The following THSD4 variants were observed in gnomAD, a reference collection of about 807,000 sequenced individuals.
THSD4 encodes thrombospondin type-1 domain-containing protein 4.
THSD4 carries 69 observed loss-of-function variants against 119.0 expected under a neutral mutation model. That is an observed-to-expected ratio of 0.58 (90% CI 0.48 to 0.71). The LOEUF is 0.71. THSD4 is among the 30% of genes least tolerant of loss of function. The probability of loss-of-function intolerance (pLI) is 0.00; values close to 1 mark genes in which losing one functional copy is unlikely to be tolerated. For missense variants in THSD4, 1,393 were observed against 1,391.1 expected, an observed-to-expected ratio of 1.00 and a Z score of -0.02; for synonymous variants, 524 against 540.4, an observed-to-expected ratio of 0.97 and a Z score of 0.42.
chr15:71,643,907 T>G (rs1221779428), intron 7 of THSD4, among the ~76,000 whole-genome samples: 1 of 152,206 alleles, frequency 6.6e-6, no homozygotes, highest in Non-Finnish European at 1.5e-5. Context: ...AAAGGCTGCA[T>G]AAAAATGAGT....
chr15:71,673,430 A>G (rs2051574120), intron 8 of THSD4, among the ~76,000 whole-genome samples: 1 of 152,192 alleles, frequency 6.6e-6, no homozygotes, highest in African/African-American at 2.4e-5. Context: ...CAGTCTTTTC[A>G]GAAAACCAGC....
intron 6 of THSD4, among the ~76,000 whole-genome samples, chr15:71,319,786 TAA>T (rs1426979026): frequency 2.0e-5 from 3 of 152,166 alleles, no homozygotes; most frequent in African/African-American, 4.8e-5. Flanking sequence ...GCTGCCCTGT[TAA>T]AAGTCAGTTA....
rs188185144 is a variant in THSD4, at chr15:71,241,460, A to T, written c.465-1189A>T. Among the ~76,000 whole-genome samples, 37 of 152,220 alleles carry T rather than the reference A, an allele frequency of 2.4e-4. No individual in the cohort carries two copies. In the East Asian group the frequency reaches 6.6e-3, roughly 27 times the overall value. On this transcript the variant is annotated intron_variant, in intron 4 of 17. Transcript: ENST00000261862. Reference sequence around the variant, plus strand: ...CTCTAAGGCCCTTACCCCGCCCTGCATTGTGATCTAGTTGCTTTCAGTTGT... The same window carrying T: ...CTCTAAGGCCCTTACCCCGCCCTGCTTTGTGATCTAGTTGCTTTCAGTTGT...
intron 7 of THSD4, among the ~76,000 whole-genome samples, chr15:71,618,775 G>A (rs776352026): frequency 8.5e-5 from 13 of 152,110 alleles, no homozygotes; most frequent in South Asian, 2.1e-4. Flanking sequence ...ACAGGGTCTC[G>A]CCATGTTGCC....
intron 6 of THSD4, among the ~76,000 whole-genome samples, chr15:71,269,006 G>A (rs1000476604): frequency 2.6e-5 from 4 of 152,198 alleles, no homozygotes; most frequent in African/African-American, 9.6e-5. Flanking sequence ...AGGACCATAC[G>A]GATTCACAGG....
intron 5 of THSD4, among the ~76,000 whole-genome samples, chr15:71,250,107 T>C (rs1169329028): frequency 2.6e-5 from 4 of 152,208 alleles, no homozygotes; most frequent in Non-Finnish European, 5.9e-5. Context: ...ATTTTTCTCG[T>C]GTTGGGCTAT....
chr15:71,461,163 C>A (rs2047423915), intron 7 of THSD4, among the ~76,000 whole-genome samples: 1 of 152,172 alleles, frequency 6.6e-6, no homozygotes, highest in Non-Finnish European at 1.5e-5. Context: ...GAAGGCTTAA[C>A]TGGGGCTGGA....
chr15:71,297,860 A>G (rs529980186), intron 6 of THSD4, among the ~76,000 whole-genome samples: 16 of 152,292 alleles, frequency 1.1e-4, no homozygotes, highest in Admixed American at 3.9e-4. Flanking sequence ...CTGGAACCTT[A>G]TCAGATATAT....
chr15:71,326,589 G>A (rs2045341069), intron 6 of THSD4, among the ~76,000 whole-genome samples: 1 of 137,778 alleles, frequency 7.3e-6, no homozygotes, highest in South Asian at 2.6e-4. Flanking sequence ...CAGGAGAATT[G>A]TTTGAACCTG....
intron 3 of THSD4, among the ~76,000 whole-genome samples, chr15:71,208,809 G>T (rs1373919229): frequency 6.6e-6 from 1 of 152,062 alleles, no homozygotes; most frequent in Non-Finnish European, 1.5e-5. Context: ...ACCGTGCCAG[G>T]CTCTGGATGT....
At chr15:71,552,039 C>A (rs1327474626) in intron 7 of THSD4, among the ~76,000 whole-genome samples, 1 of 136,914 alleles carries the variant, frequency 7.3e-6, no homozygotes, top group Non-Finnish European at 1.7e-5. Context: ...TAAGTAAGCA[C>A]TTTAAGTGGG....
intron 7 of THSD4, among the ~76,000 whole-genome samples, chr15:71,578,832 G>A (rs1283930749): frequency 2.0e-5 from 3 of 148,564 alleles, no homozygotes; most frequent in Admixed American, 1.4e-4. Context: ...GGGGGACTCT[G>A]GACTGCATTA....
intron 6 of THSD4, among the ~76,000 whole-genome samples, chr15:71,292,776 A>G (rs1388525932): frequency 2.0e-5 from 3 of 149,294 alleles, no homozygotes; most frequent in Non-Finnish European, 4.4e-5. Context: ...TCCCGGGTTC[A>G]CACCATTCTC....
rs527759117 is a variant in THSD4 at position 71,391,211 on chromosome 15, A to G, written c.1016-20476A>G. Among the ~76,000 whole-genome samples, 4 of 152,052 alleles carry G rather than the reference A, an allele frequency of 2.6e-5. No individual in the cohort carries two copies. The East Asian group carries it at 7.8e-4, about 29-fold the overall frequency. Reference sequence around the variant, plus strand: ...GCCCAGCTAATTTTTTGTATTTTTTAGTAGAGACGGGGTTTCACCGTGTTA... The same window carrying G: ...GCCCAGCTAATTTTTTGTATTTTTTGGTAGAGACGGGGTTTCACCGTGTTA... On this transcript the variant is annotated intron_variant, in intron 6 of 17. Coordinates refer to ENST00000261862, the MANE Select transcript of THSD4 (RefSeq NM_024817.3).
chr15:71,322,364 T>G (rs1449997370), intron 6 of THSD4, among the ~76,000 whole-genome samples: 1 of 152,070 alleles, frequency 6.6e-6, no homozygotes, highest in Non-Finnish European at 1.5e-5. Flanking sequence ...AGTGAGGAAA[T>G]TTAGTCCAAG....
At chr15:71,286,641 G>A (rs929388513) in intron 6 of THSD4, among the ~76,000 whole-genome samples, 4 of 152,190 alleles carry the variant, frequency 2.6e-5, no homozygotes, top group African/African-American at 9.7e-5. Context: ...ATAACAGAAC[G>A]ATTTACATTC....
chr15:71,422,456 G>C (rs1212330571), intron 7 of THSD4, among the ~76,000 whole-genome samples: 1 of 152,164 alleles, frequency 6.6e-6, no homozygotes, highest in Non-Finnish European at 1.5e-5. Flanking sequence ...GTGCCACCTT[G>C]GTGGTCTTAA....
At chr15:71,245,418 G>A (rs996657083) in intron 5 of THSD4, among the ~76,000 whole-genome samples, 3 of 152,070 alleles carry the variant, frequency 2.0e-5, no homozygotes, top group African/African-American at 7.2e-5. Context: ...AGGTCCCCAA[G>A]ACCATTCCTG....
At chr15:71,436,172 A>G (rs1221364644) in intron 7 of THSD4, among the ~76,000 whole-genome samples, 1 of 151,918 alleles carries the variant, frequency 6.6e-6, no homozygotes, top group East Asian at 1.9e-4. Flanking sequence ...GAACCATAAA[A>G]CTCACCAGTC....
Sources: allele counts gnomAD v4.1 joint callset (sites outside exome capture counted in the v4.1 genomes callset), GRCh38; gene constraint gnomAD v4.1.1; transcripts MANE v1.5; gene names NCBI Gene and HGNC (gene_info 2026-07-23, HGNC 2026-07-21).